Variants in SMAP1 observed in about 807,000 individuals in gnomAD.
SMAP1 encodes stromal membrane-associated protein 1.
A neutral mutation model predicts 58.5 loss-of-function variants in SMAP1; 24 were observed. The ratio of observed to expected loss-of-function variants is 0.41; its 90% confidence interval spans 0.30 to 0.58. The LOEUF (loss-of-function observed/expected upper bound fraction) is 0.58. Ranked by LOEUF, SMAP1 falls within the 20% of genes least tolerant of loss-of-function variation. The pLI is 0.29. For synonymous variants in SMAP1, 216 were observed against 196.6 expected (o/e 1.10, Z -0.82); for missense variants, 563 against 566.3 (o/e 0.99, Z 0.06).
intron 1 of SMAP1, among the ~76,000 whole-genome samples, chr6:70,675,892 A>G (rs117349162): frequency 0.023 from 3,570 of 152,318 alleles, 52 homozygotes; most frequent in Non-Finnish European, 0.037. Flanking sequence ...AGTTGTTTGT[A>G]TAATAAATAT....
At chr6:70,741,854 C>CT (rs1765826726) in intron 2 of SMAP1, among the ~76,000 whole-genome samples, 1 of 152,206 alleles carries the variant, frequency 6.6e-6, no homozygotes, top group South Asian at 2.1e-4. Context: ...CAATTCTTGA[C>CT]TTCTGTGCAC....
intron 3 of SMAP1, among the ~76,000 whole-genome samples, chr6:70,767,844 T>A (rs1291141600): frequency 7.1e-6 from 1 of 140,036 alleles, no homozygotes; most frequent in East Asian, 2.0e-4. Flanking sequence ...TCAAAGGGAA[T>A]GCTTCCAGTT....
At chr6:70,807,021 A>G (rs1179526672) in intron 6 of SMAP1, among the ~76,000 whole-genome samples, 1 of 152,194 alleles carries the variant, frequency 6.6e-6, no homozygotes, top group Non-Finnish European at 1.5e-5. Flanking sequence ...GCTGTTGTAC[A>G]TTCTACATAA....
chr6:70,720,334 G>C (rs1204655043), intron 1 of SMAP1, among the ~76,000 whole-genome samples: 1 of 152,180 alleles, frequency 6.6e-6, no homozygotes, highest in Non-Finnish European at 1.5e-5. Flanking sequence ...GTCTTGGGCG[G>C]CTCTGCCCCT....
chr6:70,678,649 T>C (rs1041255921), intron 1 of SMAP1, among the ~76,000 whole-genome samples: 6 of 152,256 alleles, frequency 3.9e-5, no homozygotes, highest in Non-Finnish European at 5.9e-5. Context: ...AAGAGTCTTA[T>C]TGAGCTAAAG....
At chr6:70,815,820 GTAT>G (rs1182675283) in intron 6 of SMAP1, among the ~76,000 whole-genome samples, 3 of 152,044 alleles carry the variant, frequency 2.0e-5, no homozygotes, top group African/African-American at 7.3e-5. Flanking sequence ...GTATGTTTGT[GTAT>G]TATTTAAGGA....
At chr6:70,801,096 G>A (rs531909968) in intron 6 of SMAP1, among the ~76,000 whole-genome samples, 35 of 152,310 alleles carry the variant, frequency 2.3e-4, no homozygotes, top group Admixed American at 6.5e-4. Context: ...TTGCCACACT[G>A]TCTTCCACAA....
intron 1 of SMAP1, among the ~76,000 whole-genome samples, chr6:70,726,432 G>C (rs560402649): frequency 1.3e-5 from 2 of 152,190 alleles, no homozygotes. Flanking sequence ...ACAATTAACT[G>C]TAAGTCATTG....
chr6:70,760,009 T>G (rs1766684213), intron 3 of SMAP1: 4 of 264,206 alleles, frequency 1.5e-5, no homozygotes, highest in Admixed American at 4.1e-5. Context: ...GATGAGATGC[T>G]CAAAGAGCTA....
intron 1 of SMAP1, among the ~76,000 whole-genome samples, chr6:70,715,589 G>A (rs1582050026): frequency 6.6e-6 from 1 of 152,170 alleles, no homozygotes; most frequent in South Asian, 2.1e-4. Context: ...TAAGTCAGCA[G>A]TCCCCAACTT....
At chr6:70,854,057 G>A (rs1771298309) in intron 8 of SMAP1, among the ~76,000 whole-genome samples, 2 of 152,178 alleles carry the variant, frequency 1.3e-5, no homozygotes, top group African/African-American at 4.8e-5. Flanking sequence ...GTAGAACAAT[G>A]CAGACTTCGT....
At chr6:70,824,445 T>C (rs958792523) in intron 6 of SMAP1, among the ~76,000 whole-genome samples, 1 of 152,106 alleles carries the variant, frequency 6.6e-6, no homozygotes, top group African/African-American at 2.4e-5. Context: ...CCGTTAAAGG[T>C]ACTAAAATAT....
intron 7 of SMAP1, among the ~76,000 whole-genome samples, chr6:70,850,195 G>A (rs1771131913): frequency 6.6e-6 from 1 of 152,186 alleles, no homozygotes; most frequent in African/African-American, 2.4e-5. Context: ...TTGGTTTTTA[G>A]TGGATGCGCT....
chr6:70,676,231 T>A (rs1001930396), intron 1 of SMAP1, among the ~76,000 whole-genome samples: 7 of 152,254 alleles, frequency 4.6e-5, no homozygotes, highest in Non-Finnish European at 7.3e-5. Context: ...TTGAATCTTT[T>A]GAATCTTCTT....
intron 1 of SMAP1, among the ~76,000 whole-genome samples, chr6:70,683,254 T>G (rs1426362403): frequency 4.9e-5 from 7 of 142,418 alleles, no homozygotes; most frequent in Non-Finnish European, 1.5e-5. Context: ...CATTGCAACC[T>G]CCGCCTCCCG....
In SMAP1 at chr6:70,732,270, TAA is replaced by T. The variant is rs1765460717; in HGVS notation, c.119-107_119-106del. On this transcript the variant is annotated intron_variant, in intron 1 of 10. Coordinates refer to ENST00000370455, the MANE Select transcript of SMAP1 (RefSeq NM_001044305.3). ...TGAAAATTTGAGCATGTGACTTCTG[TAA>T]GCTTCCATTATAATTATATAAAACC... is the stretch of plus-strand genomic sequence containing the variant. 8.9e-6 allele frequency: 11 copies of T among 1,232,070 alleles called. No individual in the cohort carries two copies. The East Asian group carries it at 2.8e-4, about 31-fold the overall frequency. The allele number at this position is 1,232,070 out of a possible 1,614,324, so 76.3% of individuals were successfully genotyped here.
intron 1 of SMAP1, among the ~76,000 whole-genome samples, chr6:70,722,347 G>A (rs116617023): frequency 9.4e-4 from 143 of 152,324 alleles, no homozygotes; most frequent in African/African-American, 3.2e-3. Context: ...AGAAACAGTA[G>A]CGCATGCCCA....
intron 1 of SMAP1, among the ~76,000 whole-genome samples, chr6:70,710,040 T>C (rs1454335260): frequency 6.6e-6 from 1 of 152,192 alleles, no homozygotes; most frequent in African/African-American, 2.4e-5. Flanking sequence ...ACAAACTAGC[T>C]GTCTCTGTGT....
At chr6:70,849,828 T>G (rs1771120044) in intron 7 of SMAP1, among the ~76,000 whole-genome samples, 1 of 152,176 alleles carries the variant, frequency 6.6e-6, no homozygotes, top group African/African-American at 2.4e-5. Context: ...CCATCTATGG[T>G]GGGTACTTTT....
Sources: allele counts gnomAD v4.1 joint callset (sites outside exome capture counted in the v4.1 genomes callset), GRCh38; gene constraint gnomAD v4.1.1; transcripts MANE v1.5; gene names NCBI Gene and HGNC (gene_info 2026-07-23, HGNC 2026-07-21).